The following TSBP1 variants were observed in gnomAD, a reference collection of about 807,000 sequenced individuals.
The protein encoded by TSBP1 is testis-expressed basic protein 1.
TSBP1 carries 56 observed loss-of-function variants against 68.8 expected under a neutral mutation model. The observed-to-expected ratio is 0.81, with a 90% CI of 0.66 to 1.02. The LOEUF is 1.02. TSBP1 is among the 50% of genes least tolerant of loss of function. The pLI is 0.00. For missense variants in TSBP1, 502 were observed against 641.2 expected (o/e 0.78, Z 2.34); for synonymous variants, 171 against 208.7 (o/e 0.82, Z 1.56).
At chr6:32,350,151 TTC>T (rs1176258156) in intron 8 of TSBP1, 3 of 482,852 alleles carry the variant, frequency 6.2e-6, no homozygotes, top group South Asian at 3.2e-5. Flanking sequence ...TTAATTTTCT[TTC>T]TGTTTTCCCT....
chr6:32,359,141 T>C (rs1219643528), intron 6 of TSBP1, among the ~76,000 whole-genome samples: 1 of 146,374 alleles, frequency 6.8e-6, no homozygotes, highest in African/African-American at 2.5e-5. Context: ...ATTGTTCAAT[T>C]CTTCTTTGGG....
Position 32,335,292 on chromosome 6 carries a change from T to C in TSBP1, c.472+145A>G. The C allele has an allele frequency of 1.6e-6, 1 of 606,362 alleles. No homozygotes were observed. The highest frequency in any genetic ancestry group is 2.5e-6 in the Non-Finnish European group (1 of 393,286). The allele number at this position is 606,362 out of a possible 1,614,324, so 37.6% of individuals were successfully genotyped here. A position where few individuals can be genotyped will look rare whatever the true frequency, so the allele number is the denominator to read the frequency against. On this transcript the variant is annotated intron_variant, in intron 14 of 22. Transcript: ENST00000612031. This position sits in a 1 kb window ranked among gnomAD's most constrained non-coding sequence, Gnocchi z 5.5. ...ATTTTTATTGCAGAACCTGGATGAG[T>C]CCAATCTGGAGTACTGGGTGAGATT...
intron 20 of TSBP1, among the ~76,000 whole-genome samples, chr6:32,301,709 TAA>T (rs5875351): frequency 0.066 from 9,477 of 144,198 alleles, 455 homozygotes; most frequent in Non-Finnish European, 0.11. Context: ...AACGCTGTTT[TAA>T]AAAAAAAAAA....
rs1773532997 is a variant in TSBP1, at chr6:32,365,109, C to T, written c.217+1058G>A. ...GTCTCACTATGTTGCCCAGGCCAGTCTCGAACTCCTAGTCTCAAGAAGTCC... is the reference window on the plus strand; with the variant it reads ...GTCTCACTATGTTGCCCAGGCCAGTTTCGAACTCCTAGTCTCAAGAAGTCC... On this transcript the variant is annotated intron_variant, in intron 6 of 22. Coordinates refer to ENST00000612031, the Ensembl canonical transcript of TSBP1. The surrounding 1 kb of genome is among the most constrained non-coding windows in gnomAD (Gnocchi z 4.3). Among the ~76,000 whole-genome samples the T allele has an allele frequency of 6.6e-6, 1 of 150,788 alleles. No homozygotes were observed. Among genetic ancestry groups the T allele is most frequent in the South Asian group, 2.1e-4 (1 of 4,778 alleles).
chr6:32,359,924 A>G (rs936127125), intron 6 of TSBP1, among the ~76,000 whole-genome samples: 2 of 152,066 alleles, frequency 1.3e-5, no homozygotes, highest in African/African-American at 4.8e-5. Flanking sequence ...TATAAAAATT[A>G]TATATATTTA....
In TSBP1 at chr6:32,365,100, C is replaced by T. The variant is rs1483302587; in HGVS notation, c.217+1067G>A. Among the ~76,000 whole-genome samples the T allele has an allele frequency of 6.6e-6, 1 of 151,530 alleles. No individual in the cohort carries two copies. The highest frequency in any genetic ancestry group is 1.5e-5 in the Non-Finnish European group (1 of 67,956). On this transcript the variant is annotated intron_variant, in intron 6 of 22. Coordinates refer to ENST00000612031, the Ensembl canonical transcript of TSBP1. This position sits in a 1 kb window ranked among gnomAD's most constrained non-coding sequence, Gnocchi z 4.3. ...AGAGACGGAGTCTCACTATGTTGCC[C>T]AGGCCAGTCTCGAACTCCTAGTCTC...
At chr6:32,355,583 T>C in intron 7 of TSBP1, 66 bp downstream of exon 7, 1 of 1,570,452 alleles carries the variant, frequency 6.4e-7, no homozygotes, top group Non-Finnish European at 8.6e-7. Flanking sequence ...CTCCAAAGCA[T>C]TTACAATCTA....
intron 22 of TSBP1, among the ~76,000 whole-genome samples, chr6:32,297,696 G>A (rs1324913366): frequency 2.0e-5 from 3 of 152,180 alleles, no homozygotes; most frequent in African/African-American, 7.2e-5. Context: ...GGATGATGAT[G>A]TTTGTTGGTT....
At position 32,369,997 on chromosome 6, in the gene TSBP1, C is replaced by T; in HGVS notation, c.14-14G>A. ...CCAAAGTTATTTCTGAAAACAAAAA[C>T]TCACCTGTAAACATGCTTATTTAGA... On this transcript the variant is annotated splice_polypyrimidine_tract_variant and intron_variant, in intron 1 of 22. Transcript: ENST00000612031. 1 of 1,560,884 alleles carries T rather than the reference C, an allele frequency of 6.4e-7. No individual in the cohort carries two copies. The highest frequency in any genetic ancestry group is 8.8e-7 in the Non-Finnish European group (1 of 1,132,564).
At chr6:32,295,364 A>C (rs868323207) in intron 22 of TSBP1, among the ~76,000 whole-genome samples, 1,672 of 151,610 alleles carry the variant, frequency 0.011, 40 homozygotes, top group East Asian at 0.066. Context: ...AAAAAAAAAA[A>C]AAAAAAGAAG....
intron 9 of TSBP1, 121 bp downstream of exon 9, chr6:32,349,619 A>G: frequency 4.7e-6 from 3 of 639,242 alleles, no homozygotes; most frequent in Non-Finnish European, 5.6e-6. Flanking sequence ...GAAATTGGAG[A>G]AATGTGAAGC....
At chr6:32,299,301 C>T (rs2065308437) in intron 22 of TSBP1, among the ~76,000 whole-genome samples, 1 of 152,140 alleles carries the variant, frequency 6.6e-6, no homozygotes, top group Non-Finnish European at 1.5e-5. Flanking sequence ...TAGCACAGTG[C>T]ACAAATACAT....
chr6:32,299,605 A>G (rs954116263), intron 22 of TSBP1, among the ~76,000 whole-genome samples: 2 of 152,202 alleles, frequency 1.3e-5, no homozygotes. Flanking sequence ...CTCTACAGCA[A>G]TCTCTTAAAT....
In TSBP1 at chr6:32,293,551, AC is replaced by A; in HGVS notation, c.1121del (p.Gly374ValfsTer10). The A allele has an allele frequency of 6.2e-7, 1 of 1,608,990 alleles. No individual in the cohort carries two copies. The highest frequency in any genetic ancestry group is 8.5e-7 in the Non-Finnish European group (1 of 1,178,694). On this transcript the variant is annotated frameshift_variant, in exon 23 of 23. Coordinates refer to ENST00000612031, the Ensembl canonical transcript of TSBP1. LOFTEE classifies it low-confidence loss of function (END_TRUNC). ...CTTGGGATTCCTGTCTTCTTGGCAC[AC>A]CCATCTCACTCTTCTCTACCTGGGC...
At chr6:32,334,618 G>T (rs960559176) in intron 14 of TSBP1, among the ~76,000 whole-genome samples, 1 of 152,034 alleles carries the variant, frequency 6.6e-6, no homozygotes, top group Non-Finnish European at 1.5e-5. Context: ...AGTAATGTAC[G>T]CGAGGGTTAA....
chr6:32,340,726 A>C lies in TSBP1; in HGVS notation c.350-1088T>G, dbSNP rs1002785196. ...CTGCCACAGGCAAAGGCATGAGCAG[A>C]AATGTAACACAGGTCATATATATTC... On this transcript the variant is annotated intron_variant, in intron 9 of 22. Coordinates refer to ENST00000612031, the Ensembl canonical transcript of TSBP1. This position sits in a 1 kb window ranked among gnomAD's most constrained non-coding sequence, Gnocchi z 4.8. Among the ~76,000 whole-genome samples, 1 of 152,248 alleles carries C rather than the reference A, an allele frequency of 6.6e-6. No individual in the cohort carries two copies.
chr6:32,329,876 C>T (rs375566997), intron 16 of TSBP1, among the ~76,000 whole-genome samples: 3,080 of 70,460 alleles, frequency 0.044, 88 homozygotes, highest in African/African-American at 0.089. Flanking sequence ...GATTTTAACA[C>T]CAGTTTCTCC....
chr6:32,311,086 C>T (rs573936465), intron 19 of TSBP1, among the ~76,000 whole-genome samples: 11 of 152,098 alleles, frequency 7.2e-5, no homozygotes, highest in South Asian at 2.1e-4. Context: ...TTGAGTGCTG[C>T]GAGACCCCCC....
rs753026950 is a variant in TSBP1 at position 32,323,554 on chromosome 6, A to C, written c.538+37T>G. 40 of 1,603,000 alleles carry C rather than the reference A, an allele frequency of 2.5e-5. No homozygotes were observed. In the Middle Eastern group the frequency reaches 5.0e-4, roughly 20 times the overall value. ...AAGCCTTGCAGGGAACAACAAGAAC[A>C]ACAACAGAAAAGAGTAGAAAAAGAA... On this transcript the variant is annotated intron_variant, in intron 17 of 22. Transcript: ENST00000612031.
Sources: gnomAD v4.1 joint callset for allele counts (sites outside exome capture counted in the v4.1 genomes callset) on GRCh38, gnomAD v4.1.1 for gene constraint, Gnocchi (gnomAD v3.1) non-coding constraint, MANE v1.5 for transcripts, NCBI Gene and HGNC (gene_info 2026-07-23, HGNC 2026-07-21) for gene names.